NOX4: variants seen among roughly 807,000 people sequenced by gnomAD.
The protein encoded by NOX4 is kidney oxidase-1.
Under a neutral mutation model 87.6 loss-of-function variants are expected in NOX4, and 69 were observed. The ratio of observed to expected loss-of-function variants is 0.79; its 90% CI spans 0.65 to 0.96. The LOEUF is 0.96. NOX4 is among the 40% of genes least tolerant of loss of function. NOX4 has a pLI of 0.00. For missense variants in NOX4, 680 were observed against 681.5 expected (o/e 1.00, Z 0.02); for synonymous variants, 275 against 238.2 (o/e 1.15, Z -1.42).
At chr11:89,457,617 A>G (rs1945263526) in intron 2 of NOX4, among the ~76,000 whole-genome samples, 1 of 152,162 alleles carries the variant, frequency 6.6e-6, no homozygotes, top group Non-Finnish European at 1.5e-5. Flanking sequence ...TTGGCCCCCT[A>G]AAACCTTCCA....
At chr11:89,560,620 G>A in the NOX4 span, among the ~76,000 whole-genome samples, 4 of 151,982 alleles carry the variant, frequency 2.6e-5, no homozygotes, top group Admixed American at 2.0e-4. Flanking sequence ...CAATGTGTGT[G>A]GTTAACATCC....
chr11:89,500,652 A>C (rs1337595834), upstream of NOX4, among the ~76,000 whole-genome samples: 1 of 152,102 alleles, frequency 6.6e-6, no homozygotes, highest in Non-Finnish European at 1.5e-5. Context: ...TTTTTCTCCT[A>C]TTTCACAGGC....
intron 13 of NOX4, among the ~76,000 whole-genome samples, chr11:89,350,319 G>A (rs1243919922): frequency 2.0e-5 from 3 of 152,180 alleles, no homozygotes; most frequent in Admixed American, 1.3e-4. Flanking sequence ...ATACATTTCA[G>A]AACTAGTCAG....
rs552884082 is a variant in NOX4 at position 89,395,662 on chromosome 11, T to C, written c.1074+4355A>G. Among the ~76,000 whole-genome samples the C allele has an allele frequency of 8.5e-5, 13 of 152,304 alleles. No individual in the cohort carries two copies. The East Asian group carries it at 2.5e-3, about 29-fold the overall frequency. ...GTCTAACATTTAAGTCTTCAATACA[T>C]CTTGAATTAATTTTTGTATAAGGTG... On this transcript the variant is annotated intron_variant, in intron 11 of 17. Coordinates refer to ENST00000263317, the MANE Select transcript of NOX4 (RefSeq NM_016931.5).
At chr11:89,585,556 A>G in the NOX4 span, among the ~76,000 whole-genome samples, 1 of 152,204 alleles carries the variant, frequency 6.6e-6, no homozygotes, top group Non-Finnish European at 1.5e-5. Context: ...ACACTGCAGC[A>G]CAAAAACAGC....
upstream of NOX4, among the ~76,000 whole-genome samples, chr11:89,493,721 TTTATTA>T (rs200679523): frequency 0.13 from 17,937 of 142,146 alleles, 1,219 homozygotes; most frequent in East Asian, 0.22. Context: ...GCCAGATTGT[TTTATTA>T]TTATTATTAT....
At chr11:89,544,361 C>T in the NOX4 span, among the ~76,000 whole-genome samples, 8 of 152,140 alleles carry the variant, frequency 5.3e-5, no homozygotes, top group South Asian at 1.7e-3. Flanking sequence ...AGGTAGGTAC[C>T]ACCACTTTTA....
chr11:89,488,846 G>A, intron 2 of NOX4: 2 of 591,614 alleles, frequency 3.4e-6, no homozygotes, highest in East Asian at 2.8e-5. Context: ...CAGACCTCAT[G>A]TGTTTATTAG....
At chr11:89,499,710 A>G (rs1946997346), upstream of NOX4, among the ~76,000 whole-genome samples, 2 of 152,290 alleles carry the variant, frequency 1.3e-5, no homozygotes. Context: ...TGCATACCAC[A>G]CTGTATAATA....
At chr11:89,364,801 A>G (rs1938819842) in intron 12 of NOX4, among the ~76,000 whole-genome samples, 1 of 152,158 alleles carries the variant, frequency 6.6e-6, no homozygotes, top group Non-Finnish European at 1.5e-5. Context: ...CAAAATAATT[A>G]TACCACTTTA....
chr11:89,368,797 T>C (rs1176781139), intron 12 of NOX4, among the ~76,000 whole-genome samples: 1 of 152,104 alleles, frequency 6.6e-6, no homozygotes, highest in Non-Finnish European at 1.5e-5. Context: ...CTATCAGACA[T>C]GACTTCACTG....
At chr11:89,430,382 G>C (rs920163049) in intron 7 of NOX4, among the ~76,000 whole-genome samples, 2 of 152,070 alleles carry the variant, frequency 1.3e-5, no homozygotes, top group Non-Finnish European at 2.9e-5. Flanking sequence ...AGAAATAAAG[G>C]ATATTCAATT....
At chr11:89,509,163 C>T in the NOX4 span, among the ~76,000 whole-genome samples, 1 of 151,928 alleles carries the variant, frequency 6.6e-6, no homozygotes, top group African/African-American at 2.4e-5. Flanking sequence ...TCTGAGCAAA[C>T]CTAATTACCA....
At chr11:89,398,062 C>G (rs1941603564) in intron 11 of NOX4, among the ~76,000 whole-genome samples, 1 of 151,810 alleles carries the variant, frequency 6.6e-6, no homozygotes, top group Non-Finnish European at 1.5e-5. Context: ...ATGCAAATAT[C>G]CTCAATAAAA....
At chr11:89,507,410 T>C in the NOX4 span, among the ~76,000 whole-genome samples, 2 of 151,060 alleles carry the variant, frequency 1.3e-5, no homozygotes, top group Non-Finnish European at 3.0e-5. Flanking sequence ...ACATAATAGG[T>C]AATACATACC....
chr11:89,457,553 G>T (rs1008835597), intron 2 of NOX4, among the ~76,000 whole-genome samples: 1 of 152,294 alleles, frequency 6.6e-6, no homozygotes, highest in African/African-American at 2.4e-5. Flanking sequence ...GCAGCTGAGG[G>T]CCTAGTACAG....
At chr11:89,584,735 C>T in the NOX4 span, among the ~76,000 whole-genome samples, 2 of 151,948 alleles carry the variant, frequency 1.3e-5, no homozygotes, top group Admixed American at 6.6e-5. Flanking sequence ...TGAAATTCCC[C>T]CATCTAGAAT....
intron 2 of NOX4, among the ~76,000 whole-genome samples, chr11:89,452,736 G>A (rs2135391753): frequency 6.6e-6 from 1 of 151,636 alleles, no homozygotes; most frequent in South Asian, 2.1e-4. Context: ...ATTTTTTTGA[G>A]GCAGGGTCTC....
the NOX4 span, among the ~76,000 whole-genome samples, chr11:89,536,272 G>C: frequency 6.7e-6 from 1 of 149,666 alleles, no homozygotes; most frequent in Non-Finnish European, 1.5e-5. Context: ...TCAGTCTTCC[G>C]AGTAGCTGGG....
Sources: allele counts gnomAD v4.1 joint callset (sites outside exome capture counted in the v4.1 genomes callset), GRCh38; gene constraint gnomAD v4.1.1; transcripts MANE v1.5; gene names NCBI Gene and HGNC (gene_info 2026-07-23, HGNC 2026-07-21).